CHLSN: variants seen among roughly 807,000 people sequenced by gnomAD.
CHLSN encodes protein cholesin.
the CHLSN span, among the ~76,000 whole-genome samples, chr7:1,103,039 A>T: frequency 6.6e-6 from 1 of 152,212 alleles, no homozygotes; most frequent in African/African-American, 2.4e-5. Context: ...AGCCCACCAC[A>T]TGTCTGAGAG....
chr7:1,068,745 T>C, the CHLSN span, among the ~76,000 whole-genome samples: 1 of 152,182 alleles, frequency 6.6e-6, no homozygotes, highest in African/African-American at 2.4e-5. Flanking sequence ...TCTGTTCTTA[T>C]CAGTCTGCCC....
At chr7:1,133,181 G>A in the CHLSN span, among the ~76,000 whole-genome samples, 2 of 152,042 alleles carry the variant, frequency 1.3e-5, no homozygotes, top group African/African-American at 4.8e-5. Context: ...GAAGCCAGAC[G>A]CCCAAGACTC....
the CHLSN span, among the ~76,000 whole-genome samples, chr7:1,023,640 C>CACAA: frequency 7.2e-5 from 6 of 83,492 alleles, no homozygotes; most frequent in African/African-American, 2.3e-4. This position sits in a 1 kb window ranked among gnomAD's most constrained non-coding sequence, Gnocchi z 5.0. Flanking sequence ...CACACACACA[C>CACAA]ACACACACAC....
chr7:1,010,622 C>T, the CHLSN span, among the ~76,000 whole-genome samples: 74 of 152,152 alleles, frequency 4.9e-4, no homozygotes, highest in Non-Finnish European at 8.7e-4. Flanking sequence ...CTGCCTGGCT[C>T]CCCCTGGGCT....
chr7:1,045,305 C>T, the CHLSN span: 2 of 152,222 alleles, frequency 1.3e-5, no homozygotes, highest in Non-Finnish European at 1.5e-5. Flanking sequence ...ACGTGGTGGA[C>T]CAGAGGATAA....
the CHLSN span, among the ~76,000 whole-genome samples, chr7:1,059,438 A>G: frequency 6.6e-6 from 1 of 151,700 alleles, no homozygotes; most frequent in South Asian, 2.1e-4. Context: ...TGGGGCCCGG[A>G]CCGGCCTGTT....
chr7:1,015,399 G>A, the CHLSN span, among the ~76,000 whole-genome samples: 29 of 152,316 alleles, frequency 1.9e-4, no homozygotes, highest in African/African-American at 6.7e-4. Context: ...TCATGAACAG[G>A]GTTTGGGCCA....
the CHLSN span, chr7:987,463 A>C: frequency 6.4e-7 from 1 of 1,567,592 alleles, no homozygotes; most frequent in Non-Finnish European, 8.6e-7. Context: ...GCGGTTCATC[A>C]CGCTCCTGCC....
chr7:986,518 C>T, the CHLSN span: 1 of 1,355,072 alleles, frequency 7.4e-7, no homozygotes, highest in East Asian at 2.3e-5. Flanking sequence ...GCACATCCAC[C>T]CAGAGTCCCT....
At chr7:1,016,997 CAGG>C in the CHLSN span, among the ~76,000 whole-genome samples, 189 of 142,214 alleles carry the variant, frequency 1.3e-3, 11 homozygotes, top group African/African-American at 5.4e-3. Context: ...CAGCAGCGCA[CAGG>C]AGCACACAGC....
the CHLSN span, among the ~76,000 whole-genome samples, chr7:1,136,379 A>AATATATATAAACATATATAAAT: frequency 5.8e-4 from 58 of 100,214 alleles, 6 homozygotes; most frequent in African/African-American, 2.1e-3. Flanking sequence ...AATATATATA[A>AATATATATAAACATATATAAAT]ATATATAAAC....
At chr7:1,014,674 T>C in the CHLSN span, among the ~76,000 whole-genome samples, 17 of 152,284 alleles carry the variant, frequency 1.1e-4, no homozygotes. Flanking sequence ...GCACTGGCTC[T>C]GGCACCAGGT....
At chr7:1,084,755 C>T in the CHLSN span, among the ~76,000 whole-genome samples, 20 of 152,232 alleles carry the variant, frequency 1.3e-4, 1 homozygote, top group African/African-American at 2.4e-5. Context: ...AGACGTTGCC[C>T]GGTATCACAC....
chr7:1,110,680 T>C, the CHLSN span, among the ~76,000 whole-genome samples: 1 of 152,164 alleles, frequency 6.6e-6, no homozygotes, highest in South Asian at 2.1e-4. Flanking sequence ...GCTGTCTGTG[T>C]AGGGCAAAAG....
chr7:1,121,741 G>C, the CHLSN span, among the ~76,000 whole-genome samples: 1 of 152,216 alleles, frequency 6.6e-6, no homozygotes, highest in African/African-American at 2.4e-5. Context: ...ACTGCACCTG[G>C]GAACATGGTA....
the CHLSN span, among the ~76,000 whole-genome samples, chr7:1,072,273 C>A: frequency 1.3e-4 from 20 of 152,342 alleles, no homozygotes; most frequent in African/African-American, 4.8e-4. Context: ...CACTCCCCAT[C>A]TGCAGCCCGT....
the CHLSN span, among the ~76,000 whole-genome samples, chr7:1,085,868 C>CTCTA: frequency 6.6e-6 from 1 of 151,984 alleles, no homozygotes; most frequent in East Asian, 1.9e-4. Flanking sequence ...GGCAAAAGGT[C>CTCTA]TCTATGCCTT....
chr7:1,105,649 C>G, the CHLSN span, among the ~76,000 whole-genome samples: 1 of 151,588 alleles, frequency 6.6e-6, no homozygotes, highest in Non-Finnish European at 1.5e-5. Flanking sequence ...AAGTCTCACT[C>G]TGTCGCCCAG....
the CHLSN span, chr7:1,092,847 T>G: frequency 6.2e-3 from 10,047 of 1,612,294 alleles, 44 homozygotes; most frequent in Non-Finnish European, 7.6e-3. Context: ...GGTTCAGCAG[T>G]GCCGTGTAGA....
Sources: allele counts gnomAD v4.1 joint callset (sites outside exome capture counted in the v4.1 genomes callset), GRCh38; gene constraint gnomAD v4.1.1; non-coding constraint Gnocchi (gnomAD v3.1); transcripts MANE v1.5; gene names NCBI Gene and HGNC (gene_info 2026-07-23, HGNC 2026-07-21).